The following ADGRG2 variants were observed in gnomAD, a reference collection of about 807,000 sequenced individuals.
The protein encoded by ADGRG2 is G protein-coupled receptor 64.
Under a neutral mutation model 74.1 loss-of-function variants are expected in ADGRG2, and 26 were observed. The ratio of observed to expected loss-of-function variants is 0.35; its 90% CI spans 0.26 to 0.49. The LOEUF (loss-of-function observed/expected upper bound fraction) is 0.49. Among genes scored for constraint, ADGRG2 ranks in the 20% least tolerant of loss-of-function variants. The probability of loss-of-function intolerance (pLI) is 0.99; values close to 1 mark genes in which losing one functional copy is unlikely to be tolerated. For missense variants in ADGRG2, 619 were observed against 763.1 expected, an observed-to-expected ratio of 0.81 and a Z score of 2.22; for synonymous variants, 296 against 295.2, an observed-to-expected ratio of 1.00 and a Z score of -0.03.
intron 1 of ADGRG2, among the ~76,000 whole-genome samples, chrX:19,107,619 C>G (rs2062325847): frequency 9.9e-6 from 1 of 100,944 alleles, no homozygotes; most frequent in African/African-American, 4.0e-5. Context: ...TTCAGCAGTT[C>G]CAGGAGTTTT....
intron 2 of ADGRG2, among the ~76,000 whole-genome samples, chrX:19,072,041 A>G (rs1009192477): frequency 1.8e-5 from 2 of 111,328 alleles, no homozygotes; most frequent in African/African-American, 6.5e-5. Context: ...CGTTCTACAG[A>G]TGAAAGAGGT....
intron 1 of ADGRG2, among the ~76,000 whole-genome samples, chrX:19,106,673 C>G (rs1430994837): frequency 9.0e-6 from 1 of 111,315 alleles, no homozygotes; most frequent in African/African-American, 3.3e-5. Context: ...AATCCCAGCA[C>G]TTTGGGAGGC....
rs57540002 is a variant in ADGRG2, at chrX:19,091,492, T to TCACA, written c.-46-8750_-46-8747dup. The stretch of plus-strand genomic sequence containing the variant: ...AGAAATGGAGACTACAGATTTTATG[T>TCACA]CACACACACACACACACACACACAC... On this transcript the variant is annotated intron_variant, in intron 1 of 28. Coordinates refer to ENST00000379869, the MANE Select transcript of ADGRG2 (RefSeq NM_001079858.3). Among the ~76,000 whole-genome samples the TCACA allele has an allele frequency of 9.3e-3, 769 of 82,619 alleles. 3 individuals are homozygous for TCACA. Among genetic ancestry groups the TCACA allele is most frequent in the Admixed American group, 0.02 (140 of 6,996 alleles). 71.7% of individuals were successfully genotyped at this position (82,619 alleles called of 115,157 possible).
chrX:19,090,934 G>A (rs1427982531), intron 1 of ADGRG2, among the ~76,000 whole-genome samples: 4 of 111,431 alleles, frequency 3.6e-5, no homozygotes, highest in Admixed American at 9.6e-5. Flanking sequence ...AGCTCTGGGT[G>A]AAGACAGGGG....
intron 26 of ADGRG2, 102 bp from the exon 27 acceptor site, chrX:18,996,254 G>A (rs1350809245): frequency 2.3e-6 from 1 of 437,953 alleles, no homozygotes; most frequent in East Asian, 3.7e-5. Flanking sequence ...GGCAGCTGTG[G>A]GCAACATGAA....
chrX:19,074,099 T>C (rs1390260817), intron 2 of ADGRG2, among the ~76,000 whole-genome samples: 1 of 111,143 alleles, frequency 9.0e-6, no homozygotes, highest in African/African-American at 3.3e-5. Context: ...CTCAATGACT[T>C]CGATACAGGA....
intron 2 of ADGRG2, among the ~76,000 whole-genome samples, chrX:19,079,918 T>G (rs1270583160): frequency 3.3e-4 from 36 of 108,164 alleles, no homozygotes; most frequent in African/African-American, 1.1e-3. Flanking sequence ...GTTTTTGTTT[T>G]TTTTTTTTTG....
At chrX:18,997,238 A>T (rs958610650) in intron 26 of ADGRG2, among the ~76,000 whole-genome samples, 11 of 111,864 alleles carry the variant, frequency 9.8e-5, no homozygotes, top group African/African-American at 3.6e-4. Flanking sequence ...TGTATAAGAG[A>T]GGCCAAAATC....
chrX:19,099,057 G>A (rs1369244850), intron 1 of ADGRG2, among the ~76,000 whole-genome samples: 3 of 111,705 alleles, frequency 2.7e-5, no homozygotes, highest in Admixed American at 9.5e-5. Flanking sequence ...GGTAGCAGGC[G>A]CCTGTAATCC....
intron 26 of ADGRG2, among the ~76,000 whole-genome samples, chrX:18,998,652 G>A (rs938834145): frequency 8.4e-5 from 8 of 94,900 alleles, no homozygotes; most frequent in Admixed American, 7.6e-4. Context: ...GCAGCCCTGC[G>A]TCCAGCAAGT....
chrX:19,103,344 G>C lies in ADGRG2; in HGVS notation c.-47+19098C>G, dbSNP rs527907155. On this transcript the variant is annotated intron_variant, in intron 1 of 28. Transcript: ENST00000379869. Reference sequence around the variant, plus strand: ...AAAGGGGAGGAACTCTCAGTTCCGGGAATTCCCTGCCCCATCCCAGAAAAC... The same window carrying C: ...AAAGGGGAGGAACTCTCAGTTCCGGCAATTCCCTGCCCCATCCCAGAAAAC... Among the ~76,000 whole-genome samples the C allele has an allele frequency of 1.9e-4, 21 of 111,992 alleles. No individual in the cohort carries two copies. The South Asian group carries it at 7.5e-3, about 40-fold the overall frequency.
At chrX:19,048,586 C>T (rs1214870030) in intron 3 of ADGRG2, among the ~76,000 whole-genome samples, 1 of 111,675 alleles carries the variant, frequency 9.0e-6, no homozygotes, top group East Asian at 2.8e-4. Flanking sequence ...GTCCACCGTG[C>T]TCCACCAGGA....
At chrX:19,068,888 C>T in intron 2 of ADGRG2, 53 bp from the exon 3 acceptor site, 1 of 565,618 alleles carries the variant, frequency 1.8e-6, no homozygotes, top group Non-Finnish European at 2.9e-6. Context: ...AATCACAACA[C>T]AGCAATACCT....
rs2059892822 is a variant in ADGRG2, at chrX:18,989,746, C to A, written c.*1118G>T. The A allele has an allele frequency of 1.8e-5, 2 of 112,541 alleles. No individual in the cohort carries two copies. The highest frequency in any genetic ancestry group is 6.5e-5 in the African/African-American group (2 of 30,890). The allele number at this position is 112,541 out of a possible 1,213,427, so 9.3% of individuals were successfully genotyped here. ...ATAGCTCTGGCTGGGCCAGAGTGTACCAGTCATAACAATCAACAATGTACC... is the reference window on the plus strand; with the variant it reads ...ATAGCTCTGGCTGGGCCAGAGTGTAACAGTCATAACAATCAACAATGTACC... On this transcript the variant is annotated 3_prime_UTR_variant, in exon 29 of 29. Transcript: ENST00000379869.
intron 12 of ADGRG2, among the ~76,000 whole-genome samples, 188 bp downstream of exon 12, chrX:19,023,721 A>G (rs2060641535): frequency 8.9e-6 from 1 of 111,741 alleles, no homozygotes; most frequent in Non-Finnish European, 1.9e-5. Flanking sequence ...AGGAAAATCT[A>G]CCTCCTTATA....
rs184347373 is a variant in ADGRG2 at position 19,083,621 on chromosome X, G to C, written c.-46-875C>G. ...GCTCAGAGTTGAAAGGGGAACATGG[G>C]GGTATTTGCAATGATATGAGGGAAA... On this transcript the variant is annotated intron_variant, in intron 1 of 28. Coordinates refer to ENST00000379869, the MANE Select transcript of ADGRG2 (RefSeq NM_001079858.3). Among the ~76,000 whole-genome samples, 700 of 111,541 alleles carry C rather than the reference G, an allele frequency of 6.3e-3. 5 individuals carry two copies. Among genetic ancestry groups the C allele is most frequent in the African/African-American group, 0.022 (675 of 30,694 alleles).
intron 2 of ADGRG2, among the ~76,000 whole-genome samples, chrX:19,080,178 G>C (rs764280524): frequency 9.1e-6 from 1 of 109,784 alleles, no homozygotes; most frequent in East Asian, 2.9e-4. Context: ...CCAAAGTGCT[G>C]GGATTCTAGA....
intron 2 of ADGRG2, among the ~76,000 whole-genome samples, chrX:19,077,652 C>T (rs1027157218): frequency 9.0e-6 from 1 of 110,501 alleles, no homozygotes; most frequent in Admixed American, 9.7e-5. Context: ...ACAAATAGAA[C>T]CTAATGATTC....
chrX:19,036,531 C>A (rs2060943521), intron 6 of ADGRG2: 1 of 109,337 alleles, frequency 9.1e-6, no homozygotes, highest in African/African-American at 3.3e-5. Flanking sequence ...ATTGGCATTT[C>A]TTTAAATCCA....
Sources: allele counts gnomAD v4.1 joint callset (sites outside exome capture counted in the v4.1 genomes callset), GRCh38; gene constraint gnomAD v4.1.1; transcripts MANE v1.5; gene names NCBI Gene and HGNC (gene_info 2026-07-23, HGNC 2026-07-21).